MAMDC2: variants seen among roughly 807,000 people sequenced by gnomAD.
MAMDC2 encodes the protein MAM domain containing 2, also known as MAM domain-containing protein 2.
MAMDC2 carries 57 observed loss-of-function variants against 89.8 expected under a neutral mutation model. The ratio of observed to expected loss-of-function variants is 0.63; its 90% CI spans 0.51 to 0.79. The LOEUF (loss-of-function observed/expected upper bound fraction) is 0.79. MAMDC2 is among the 30% of genes least tolerant of loss of function. The pLI, the probability that MAMDC2 is intolerant of heterozygous loss-of-function variation, is 0.00. For synonymous variants in MAMDC2, 313 were observed against 293.4 expected, an observed-to-expected ratio of 1.07 and a Z score of -0.68; for missense variants, 800 against 820.6, an observed-to-expected ratio of 0.97 and a Z score of 0.31.
chr9:70,179,234 C>T (rs1034747642), intron 11 of MAMDC2, among the ~76,000 whole-genome samples: 11 of 152,032 alleles, frequency 7.2e-5, no homozygotes, highest in Admixed American at 3.9e-4. Flanking sequence ...GAGGTGGGGC[C>T]GGGCATGGTG....
intron 2 of MAMDC2, among the ~76,000 whole-genome samples, chr9:70,102,315 AC>A (rs1229176386): frequency 6.6e-6 from 1 of 152,112 alleles, no homozygotes; most frequent in African/African-American, 2.4e-5. Context: ...CCACACAGTC[AC>A]CCCAGCATGA....
At chr9:70,073,525 A>G (rs537861176) in intron 2 of MAMDC2, among the ~76,000 whole-genome samples, 1 of 152,336 alleles carries the variant, frequency 6.6e-6, no homozygotes, top group African/African-American at 2.4e-5. Flanking sequence ...TCCTTAAGCT[A>G]CTAAAGGGTC....
chr9:70,062,569 A>T (rs1267944554), intron 2 of MAMDC2: 1 of 152,186 alleles, frequency 6.6e-6, no homozygotes, highest in Non-Finnish European at 1.5e-5. Flanking sequence ...TGTATTTGGG[A>T]CACTACTTAG....
intron 2 of MAMDC2, among the ~76,000 whole-genome samples, chr9:70,053,063 A>G (rs561202280): frequency 1.3e-5 from 2 of 152,314 alleles, no homozygotes; most frequent in East Asian, 1.9e-4. Context: ...TGAACTAGCT[A>G]TGGAGAGCGG....
chr9:70,115,063 G>A (rs1014936934), intron 5 of MAMDC2, among the ~76,000 whole-genome samples: 11 of 152,302 alleles, frequency 7.2e-5, no homozygotes, highest in African/African-American at 2.6e-4. Context: ...ATTCTAAAAT[G>A]CCTGGAATGC....
chr9:70,058,104 G>A (rs1017164058), intron 2 of MAMDC2, among the ~76,000 whole-genome samples: 2 of 152,200 alleles, frequency 1.3e-5, no homozygotes, highest in African/African-American at 4.8e-5. Flanking sequence ...TGAACTTGAA[G>A]ATTCAATAGG....
chr9:70,122,169 A>G (rs1388672090), intron 5 of MAMDC2, among the ~76,000 whole-genome samples: 1 of 152,204 alleles, frequency 6.6e-6, no homozygotes, highest in Admixed American at 6.5e-5. Context: ...AGGGTACAAG[A>G]GCATGCGGTC....
rs563928558 is a variant in MAMDC2 at position 70,198,038 on chromosome 9, CAATAT to C, written c.1652-20297_1652-20293del. Among the ~76,000 whole-genome samples, 27 of 151,594 alleles carry C rather than the reference CAATAT, an allele frequency of 1.8e-4. No individual in the cohort carries two copies. The East Asian group carries it at 4.1e-3, about 23-fold the overall frequency. ...GACCACATGTACATAACTCTTAATA[CAATAT>C]ATTTTTATAATTGTTCTATTTTTTT... On this transcript the variant is annotated intron_variant, in intron 11 of 13. Transcript: ENST00000377182.
At chr9:70,198,160 GTA>G (rs755641073) in intron 11 of MAMDC2, among the ~76,000 whole-genome samples, 45 of 51,132 alleles carry the variant, frequency 8.8e-4, no homozygotes, top group Admixed American at 4.1e-3. Context: ...GTGTATGTGT[GTA>G]TATATATATA....
chr9:70,157,881 G>A (rs1003595565), intron 9 of MAMDC2: 2 of 152,018 alleles, frequency 1.3e-5, no homozygotes, highest in Admixed American at 1.3e-4. Flanking sequence ...AAGCGGATAG[G>A]ATATATACAG....
intron 9 of MAMDC2, among the ~76,000 whole-genome samples, chr9:70,166,025 G>T (rs975285303): frequency 6.6e-6 from 1 of 152,048 alleles, no homozygotes; most frequent in African/African-American, 2.4e-5. Flanking sequence ...GATATCACCT[G>T]AGGTCAGGTG....
intron 2 of MAMDC2, among the ~76,000 whole-genome samples, chr9:70,051,757 C>T (rs533268263): frequency 6.6e-6 from 1 of 152,238 alleles, no homozygotes; most frequent in South Asian, 2.1e-4. Flanking sequence ...CCAGCACTCT[C>T]CTTCAATTTT....
intron 5 of MAMDC2, among the ~76,000 whole-genome samples, chr9:70,122,912 C>A (rs975916874): frequency 4.6e-5 from 7 of 152,116 alleles, no homozygotes; most frequent in Admixed American, 6.5e-5. Context: ...CCATGGCAGA[C>A]AGAATGGCCT....
chr9:70,122,782 G>A (rs1321284797), intron 5 of MAMDC2, among the ~76,000 whole-genome samples: 1 of 151,632 alleles, frequency 6.6e-6, no homozygotes, highest in Non-Finnish European at 1.5e-5. Context: ...TTTTTTTATG[G>A]AGGAATGAGC....
At chr9:70,225,134 C>A (rs2033622757) in intron 12 of MAMDC2, among the ~76,000 whole-genome samples, 1 of 152,170 alleles carries the variant, frequency 6.6e-6, no homozygotes, top group Admixed American at 6.5e-5. Flanking sequence ...ATTTTTCCTA[C>A]AACCACAATA....
chr9:70,130,376 C>T (rs187433513), intron 6 of MAMDC2, among the ~76,000 whole-genome samples: 4 of 152,292 alleles, frequency 2.6e-5, no homozygotes, highest in Admixed American at 6.5e-5. Flanking sequence ...TTCTGCATTT[C>T]TACTACTTGC....
chr9:70,083,375 T>C (rs979886198), intron 2 of MAMDC2: 3 of 152,098 alleles, frequency 2.0e-5, no homozygotes, highest in Non-Finnish European at 4.4e-5. Context: ...AAATAGTTCA[T>C]ATATCGTTGC....
chr9:70,147,707 G>A (rs951738285), intron 9 of MAMDC2, among the ~76,000 whole-genome samples: 2 of 149,950 alleles, frequency 1.3e-5, no homozygotes, highest in South Asian at 2.1e-4. Context: ...TTGTTATGGC[G>A]TAGAACATTT....
At chr9:70,187,445 T>C (rs1350501349) in intron 11 of MAMDC2, among the ~76,000 whole-genome samples, 1 of 152,172 alleles carries the variant, frequency 6.6e-6, no homozygotes, top group Non-Finnish European at 1.5e-5. Flanking sequence ...CATTTTTAAA[T>C]AGTTTTGAGA....
Sources: gnomAD v4.1 joint callset for allele counts (sites outside exome capture counted in the v4.1 genomes callset) on GRCh38, gnomAD v4.1.1 for gene constraint, MANE v1.5 for transcripts, NCBI Gene and HGNC (gene_info 2026-07-23, HGNC 2026-07-21) for gene names.